TMEM178B: variants seen among roughly 807,000 people sequenced by gnomAD.
TMEM178B encodes the protein transmembrane protein 178B.
A neutral mutation model predicts 31.0 loss-of-function variants in TMEM178B; 5 were observed. The observed-to-expected ratio is 0.16, with a 90% CI of 0.08 to 0.34. TMEM178B has a LOEUF of 0.34. Ranked by LOEUF, TMEM178B falls within the 10% of genes least tolerant of loss-of-function variation. The pLI is 1.00. For missense variants in TMEM178B, 275 were observed against 400.3 expected (o/e 0.69, Z 2.67); for synonymous variants, 164 against 164.0 (o/e 1.00, Z 0.00).
intron 1 of TMEM178B, among the ~76,000 whole-genome samples, chr7:141,131,057 TG>T (rs1403186625): frequency 1.3e-5 from 2 of 152,234 alleles, no homozygotes; most frequent in Non-Finnish European, 2.9e-5. Context: ...TGCCTGGACC[TG>T]GTAGACTCTC....
At chr7:141,216,119 C>T (rs1797140082) in intron 2 of TMEM178B, among the ~76,000 whole-genome samples, 1 of 152,078 alleles carries the variant, frequency 6.6e-6, no homozygotes, top group African/African-American at 2.4e-5. Context: ...GTGTGAGCCA[C>T]TGTCCCTGAC....
chr7:141,304,177 C>T (rs192053269), intron 2 of TMEM178B, among the ~76,000 whole-genome samples: 13 of 152,206 alleles, frequency 8.5e-5, no homozygotes, highest in East Asian at 1.9e-4. Flanking sequence ...TTAATTGGTT[C>T]GATTTTTTAA....
At chr7:141,376,098 T>G (rs1800208366) in intron 2 of TMEM178B, among the ~76,000 whole-genome samples, 2 of 152,282 alleles carry the variant, frequency 1.3e-5, no homozygotes, top group South Asian at 4.1e-4. Flanking sequence ...TCTTCCTTAA[T>G]GCTTAGCAAG....
At chr7:141,134,255 AAAC>A (rs551475976) in intron 1 of TMEM178B, among the ~76,000 whole-genome samples, 152 of 152,254 alleles carry the variant, frequency 1.0e-3, no homozygotes, top group Middle Eastern at 3.4e-3. Flanking sequence ...AAACAAAATA[AAAC>A]AACAACAACA....
At chr7:141,359,940 C>T (rs188645353) in intron 2 of TMEM178B, among the ~76,000 whole-genome samples, 2 of 152,276 alleles carry the variant, frequency 1.3e-5, no homozygotes, top group East Asian at 3.9e-4. Context: ...TTTCCCCCTT[C>T]ATGAAACCAT....
intron 2 of TMEM178B, among the ~76,000 whole-genome samples, chr7:141,286,903 A>T (rs1008862804): frequency 6.6e-6 from 1 of 152,186 alleles, no homozygotes; most frequent in African/African-American, 2.4e-5. Context: ...AATAATCTAG[A>T]CTAGAAAGTT....
intron 2 of TMEM178B, among the ~76,000 whole-genome samples, chr7:141,402,991 C>G (rs1360859015): frequency 6.6e-6 from 1 of 152,266 alleles, no homozygotes; most frequent in African/African-American, 2.4e-5. Context: ...AGGCCCCAAA[C>G]AGGAAATGGG....
At chr7:141,302,788 A>G (rs1030458715) in intron 2 of TMEM178B, among the ~76,000 whole-genome samples, 3 of 152,182 alleles carry the variant, frequency 2.0e-5, no homozygotes, top group Admixed American at 1.3e-4. Context: ...AACACTGTGT[A>G]CACAGAATTA....
At chr7:141,435,889 C>T (rs1295855367) in intron 2 of TMEM178B, among the ~76,000 whole-genome samples, 2 of 152,148 alleles carry the variant, frequency 1.3e-5, no homozygotes, top group Non-Finnish European at 2.9e-5. Flanking sequence ...GGAACCTGCC[C>T]TGTGGCTCTC....
chr7:141,445,546 A>G (rs998596704), intron 3 of TMEM178B, among the ~76,000 whole-genome samples: 2 of 152,224 alleles, frequency 1.3e-5, no homozygotes, highest in Non-Finnish European at 2.9e-5. Context: ...CAAACCTAAT[A>G]TAAGTTCAGG....
chr7:141,261,592 T>C (rs1177636296), intron 2 of TMEM178B, among the ~76,000 whole-genome samples: 2 of 151,988 alleles, frequency 1.3e-5, no homozygotes, highest in Admixed American at 1.3e-4. Flanking sequence ...TAAGACCGAG[T>C]GAGTGCTTGA....
chr7:141,404,634 G>A lies in TMEM178B; in HGVS notation c.497-32974G>A, dbSNP rs1231891383. Among the ~76,000 whole-genome samples the A allele has an allele frequency of 3.3e-5, 5 of 152,124 alleles. No individual in the cohort carries two copies. In the South Asian group the frequency reaches 6.2e-4, roughly 19 times the overall value. Reference sequence around the variant, plus strand: ...CCCTGGATCCCGGACGACTTATCTCGAGATCCTCCATTCAATTACAACTCT... The same window carrying A: ...CCCTGGATCCCGGACGACTTATCTCAAGATCCTCCATTCAATTACAACTCT... On this transcript the variant is annotated intron_variant, in intron 2 of 3. Transcript: ENST00000565468.
intron 2 of TMEM178B, among the ~76,000 whole-genome samples, chr7:141,358,743 C>T (rs1183170476): frequency 6.6e-6 from 1 of 152,078 alleles, no homozygotes; most frequent in Non-Finnish European, 1.5e-5. Flanking sequence ...TTTGAGCCAT[C>T]TGGCTTTCCC....
At chr7:141,437,502 C>A in intron 2 of TMEM178B, 106 bp from the exon 3 acceptor site, 1 of 1,440,450 alleles carries the variant, frequency 6.9e-7, no homozygotes, top group African/African-American at 1.4e-5. Context: ...TGCCTTCCTG[C>A]TCCTGGAGGG....
At chr7:141,301,646 T>G (rs1001644078) in intron 2 of TMEM178B, among the ~76,000 whole-genome samples, 30 of 152,290 alleles carry the variant, frequency 2.0e-4, no homozygotes, top group African/African-American at 7.0e-4. Flanking sequence ...AGAGCAGTGT[T>G]TCGTAGGTGT....
At chr7:141,467,736 A>T (rs1314882639) in intron 3 of TMEM178B, among the ~76,000 whole-genome samples, 2 of 152,232 alleles carry the variant, frequency 1.3e-5, no homozygotes, top group African/African-American at 4.8e-5. Context: ...GCCCTCCGAC[A>T]GCCGCTCCTC....
chr7:141,163,885 A>G (rs1172589649), intron 1 of TMEM178B, among the ~76,000 whole-genome samples: 1 of 152,220 alleles, frequency 6.6e-6, no homozygotes, highest in African/African-American at 2.4e-5. Context: ...TCATTTATAC[A>G]TAGATAGTGA....
chr7:141,269,739 G>A (rs1445088534), intron 2 of TMEM178B, among the ~76,000 whole-genome samples: 3 of 152,182 alleles, frequency 2.0e-5, no homozygotes, highest in African/African-American at 7.2e-5. Flanking sequence ...TGAATGGAGA[G>A]CAGTGGTGCC....
chr7:141,172,302 G>T (rs1345598458), intron 1 of TMEM178B, among the ~76,000 whole-genome samples: 1 of 152,178 alleles, frequency 6.6e-6, no homozygotes, highest in Non-Finnish European at 1.5e-5. Flanking sequence ...CTGATCTGCT[G>T]CTGCCTGGGA....
Sources: gnomAD v4.1 joint callset for allele counts (sites outside exome capture counted in the v4.1 genomes callset) on GRCh38, gnomAD v4.1.1 for gene constraint, MANE v1.5 for transcripts, NCBI Gene and HGNC (gene_info 2026-07-23, HGNC 2026-07-21) for gene names.